The following FER variants were observed in gnomAD, a reference collection of about 807,000 sequenced individuals.
FER encodes the protein tyrosine-protein kinase Fer.
FER carries 63 observed loss-of-function variants against 111.0 expected under a neutral mutation model. That is an observed-to-expected ratio of 0.57 (90% CI 0.46 to 0.70). The LOEUF (loss-of-function observed/expected upper bound fraction) is 0.70. Ranked by LOEUF, FER falls within the 30% of genes least tolerant of loss-of-function variation. FER has a pLI of 0.00. For missense variants in FER, 914 were observed against 954.0 expected (o/e 0.96, Z 0.55); for synonymous variants, 327 against 313.9 (o/e 1.04, Z -0.44).
intron 16 of FER, among the ~76,000 whole-genome samples, chr5:109,062,370 C>CA (rs1561845328): frequency 6.6e-6 from 1 of 151,792 alleles, no homozygotes; most frequent in Non-Finnish European, 1.5e-5. Flanking sequence ...ACTAAAAATG[C>CA]AAAAAATTAG....
intron 10 of FER, among the ~76,000 whole-genome samples, chr5:108,931,691 A>C (rs1040928462): frequency 3.3e-5 from 5 of 152,098 alleles, no homozygotes; most frequent in Admixed American, 2.0e-4. Context: ...TTAGCTAGGC[A>C]TGGTGGCGGG....
chr5:108,870,710 C>A (rs187412594), intron 6 of FER, among the ~76,000 whole-genome samples: 1 of 152,276 alleles, frequency 6.6e-6, no homozygotes, highest in Admixed American at 6.5e-5. Flanking sequence ...TCTGTCTACA[C>A]TTGCTGTTGA....
intron 17 of FER, among the ~76,000 whole-genome samples, chr5:109,173,228 T>C (rs1355849313): frequency 6.6e-6 from 1 of 152,228 alleles, no homozygotes; most frequent in Non-Finnish European, 1.5e-5. Context: ...GCCAGATGAC[T>C]TGCAGTATTT....
At chr5:109,066,824 G>T (rs1041072007) in intron 16 of FER, among the ~76,000 whole-genome samples, 1 of 152,102 alleles carries the variant, frequency 6.6e-6, no homozygotes, top group African/African-American at 2.4e-5. Context: ...TTTTCTCAAA[G>T]AAGTCACACT....
At chr5:108,809,971 A>G (rs1757577733) in intron 3 of FER, among the ~76,000 whole-genome samples, 2 of 152,178 alleles carry the variant, frequency 1.3e-5, no homozygotes. Flanking sequence ...CACATTTTTC[A>G]TAGTGCCAGA....
chr5:109,171,968 A>C (rs1170232311), intron 17 of FER, among the ~76,000 whole-genome samples: 1 of 152,194 alleles, frequency 6.6e-6, no homozygotes, highest in African/African-American at 2.4e-5. Flanking sequence ...GGCAATCATT[A>C]AAAAGTCAGG....
At chr5:109,069,790 A>C (rs1340518209) in intron 16 of FER, among the ~76,000 whole-genome samples, 1 of 152,106 alleles carries the variant, frequency 6.6e-6, no homozygotes, top group Non-Finnish European at 1.5e-5. Flanking sequence ...TGAGCCATAG[A>C]ATTTTTTTTC....
At chr5:109,086,322 A>G (rs1018654786) in intron 16 of FER, among the ~76,000 whole-genome samples, 1 of 151,600 alleles carries the variant, frequency 6.6e-6, no homozygotes, top group Non-Finnish European at 1.5e-5. Flanking sequence ...GTTATTTATC[A>G]TATCCCCTAA....
intron 11 of FER, among the ~76,000 whole-genome samples, chr5:108,950,205 T>C (rs900048853): frequency 6.6e-6 from 1 of 152,178 alleles, no homozygotes; most frequent in African/African-American, 2.4e-5. Context: ...GGCTTAGTTG[T>C]CTATTTTTGT....
At chr5:108,832,441 A>G (rs4361568) in intron 3 of FER, among the ~76,000 whole-genome samples, 34,851 of 152,058 alleles carry the variant, frequency 0.23, 4,185 homozygotes, top group African/African-American at 0.28. Flanking sequence ...CATTAGAATC[A>G]TGTGGCAGAG....
intron 16 of FER, among the ~76,000 whole-genome samples, chr5:109,059,467 G>A (rs1310216123): frequency 6.6e-6 from 1 of 152,156 alleles, no homozygotes; most frequent in Non-Finnish European, 1.5e-5. Flanking sequence ...GGCGGAGGTT[G>A]CAGTGAGCTG....
At chr5:108,828,775 G>A (rs1759735364) in intron 3 of FER, among the ~76,000 whole-genome samples, 1 of 152,004 alleles carries the variant, frequency 6.6e-6, no homozygotes, top group African/African-American at 2.4e-5. Context: ...TCTTCAAGTG[G>A]CCGACAATAT....
At chr5:108,946,327 T>C (rs2149626818) in intron 11 of FER, 105 bp downstream of exon 11, 3 of 647,502 alleles carry the variant, frequency 4.6e-6, no homozygotes, top group Non-Finnish European at 7.5e-6. Context: ...TATATATATG[T>C]ATATACATAT....
At chr5:109,012,917 A>T (rs1189911330) in intron 13 of FER, among the ~76,000 whole-genome samples, 2 of 152,150 alleles carry the variant, frequency 1.3e-5, no homozygotes, top group African/African-American at 4.8e-5. Context: ...AAAGCAAGGG[A>T]CATTGGAAGT....
chr5:109,054,948 G>A (rs1167450974), intron 16 of FER, among the ~76,000 whole-genome samples: 1 of 151,690 alleles, frequency 6.6e-6, no homozygotes, highest in Non-Finnish European at 1.5e-5. Context: ...CAATCCTTTT[G>A]TCTCCATGCC....
intron 13 of FER, among the ~76,000 whole-genome samples, chr5:109,002,618 C>G (rs2149784028): frequency 6.6e-6 from 1 of 152,232 alleles, no homozygotes; most frequent in South Asian, 2.1e-4. Flanking sequence ...CCAAAATTGA[C>G]AAATGGGATC....
At chr5:109,075,233 A>G (rs887343471) in intron 16 of FER, among the ~76,000 whole-genome samples, 3 of 152,090 alleles carry the variant, frequency 2.0e-5, no homozygotes, top group Non-Finnish European at 2.9e-5. Context: ...AAATTAATGT[A>G]AAAAAATGTA....
intron 10 of FER, among the ~76,000 whole-genome samples, chr5:108,898,703 T>C (rs979725384): frequency 2.6e-5 from 4 of 151,286 alleles, no homozygotes; most frequent in African/African-American, 9.7e-5. Context: ...TTATCTTTCC[T>C]TTTTCTATTA....
At chr5:108,949,938 G>A (rs964075756) in intron 11 of FER, among the ~76,000 whole-genome samples, 1 of 151,904 alleles carries the variant, frequency 6.6e-6, no homozygotes, top group African/African-American at 2.4e-5. Flanking sequence ...AATCGTAAAA[G>A]TAACTGGGTA....
Sources: allele counts gnomAD v4.1 joint callset (sites outside exome capture counted in the v4.1 genomes callset), GRCh38; gene constraint gnomAD v4.1.1; transcripts MANE v1.5; gene names NCBI Gene and HGNC (gene_info 2026-07-23, HGNC 2026-07-21).